Variants in ORMDL3 observed in about 807,000 individuals in gnomAD.
ORMDL3 encodes ORMDL sphingolipid biosynthesis regulator 3.
In ORMDL3, 6 loss-of-function variants were observed where a neutral mutation model predicts 12.6. The observed-to-expected ratio is 0.48, with a 90% CI of 0.26 to 0.94. The LOEUF (loss-of-function observed/expected upper bound fraction) is 0.94, where lower values mean the gene tolerates loss of function less well. Among genes scored for constraint, ORMDL3 ranks in the 40% least tolerant of loss-of-function variants. The pLI is 0.14. For synonymous variants in ORMDL3, 99 were observed against 87.2 expected, an observed-to-expected ratio of 1.14 and a Z score of -0.75; for missense variants, 159 against 205.5, an observed-to-expected ratio of 0.77 and a Z score of 1.38.
At position 39,922,387 on chromosome 17, in the gene ORMDL3, C is replaced by G; in HGVS notation, c.*163G>C. On this transcript the variant is annotated 3_prime_UTR_variant, in exon 4 of 4. Transcript: ENST00000304046. ...ACCCCAACCCCACTACAAGCTACTC[C>G]AAGTTGGCTACTGGGGGAAGCGAGG... 1.2e-6 allele frequency: 1 copy of G among 867,804 alleles called. No individual in the cohort carries two copies. Among genetic ancestry groups the G allele is most frequent in the South Asian group, 1.8e-5 (1 of 56,964 alleles). The allele number at this position is 867,804 out of a possible 1,614,324, so 53.8% of individuals were successfully genotyped here.
chr17:39,927,009 GC>G, intron 1 of ORMDL3: 1 of 985,418 alleles, frequency 1.0e-6, no homozygotes, highest in Non-Finnish European at 1.2e-6. Flanking sequence ...GAAAGCGAGT[GC>G]CCAGGCGAAC....
chr17:39,923,027 G>A (rs946525337), intron 3 of ORMDL3, 85 bp downstream of exon 3: 1 of 1,535,056 alleles, frequency 6.5e-7, no homozygotes, highest in Admixed American at 1.8e-5. Context: ...AGGAGCCACG[G>A]CAGGGTTAAT....
chr17:39,923,032 G>T lies in ORMDL3; in HGVS notation c.326+80C>A, dbSNP rs1352451756. 1.6e-5 allele frequency: 25 copies of T among 1,558,700 alleles called. No individual in the cohort carries two copies. In the Admixed American group the frequency reaches 1.9e-4, roughly 12 times the overall value. Reference sequence around the variant, plus strand: ...TCCCTACACCAGGAGCCACGGCAGGGTTAATAAGCATGGCTGGGCCCTGGG... The same window carrying T: ...TCCCTACACCAGGAGCCACGGCAGGTTTAATAAGCATGGCTGGGCCCTGGG... On this transcript the variant is annotated intron_variant, in intron 3 of 3. Transcript: ENST00000304046.
At position 39,927,551 on chromosome 17, in the gene ORMDL3, G is replaced by A. The variant is rs1978506700; in HGVS notation, c.-90C>T. 1.8e-5 allele frequency: 18 copies of A among 985,430 alleles called. No homozygotes were observed. The highest frequency in any genetic ancestry group is 2.0e-5 in the Non-Finnish European group (17 of 830,016). The allele number at this position is 985,430 out of a possible 1,614,324, so 61.0% of individuals were successfully genotyped here. On this transcript the variant is annotated 5_prime_UTR_variant, in exon 1 of 4. Transcript: ENST00000304046. ...AGCGGGGGCCGCTGCTGCTCCAGCA[G>A]CTGTAACAACCCGCGGCTGCAGCCT...
At chr17:39,923,005 C>G in intron 3 of ORMDL3, 107 bp downstream of exon 3, 1 of 1,426,116 alleles carries the variant, frequency 7.0e-7, no homozygotes, top group Non-Finnish European at 9.7e-7. Flanking sequence ...TTCCTCTGTT[C>G]ATCCCTACAC....
Position 39,922,598 on chromosome 17 carries a change from C to T in ORMDL3, c.414G>A (p.Lys138=), listed in dbSNP as rs759772896. ...TVSLMSVLIP[K]LPQLHGVRIF... The stretch of plus-strand genomic sequence containing the variant: ...TCCGGACTCCGTGGAGCTGGGGCAG[C>T]TTGGGGATAAGCACGCTCATCAGGG... The change falls in exon 4 of 4, where the codon AAG becomes AAA. Residue 138 remains lysine (K), a synonymous_variant. Transcript: ENST00000304046. The T allele has an allele frequency of 6.2e-7, 1 of 1,613,994 alleles. No homozygotes were observed. Among genetic ancestry groups the T allele is most frequent in the East Asian group, 2.2e-5 (1 of 44,836 alleles).
intron 1 of ORMDL3, 33 bp downstream of exon 1, chr17:39,927,451 G>T (rs1978496713): frequency 5.1e-6 from 5 of 985,278 alleles, no homozygotes; most frequent in Non-Finnish European, 6.0e-6. Flanking sequence ...CCCTCCCGTA[G>T]CCCTGGGGCC....
At chr17:39,923,994 G>A (rs1442740389) in intron 2 of ORMDL3, 36 bp downstream of exon 2, 1 of 1,554,108 alleles carries the variant, frequency 6.4e-7, no homozygotes, top group Admixed American at 1.8e-5. Flanking sequence ...ACAGGGCAGG[G>A]GCAGGGGCAG....
At position 39,922,311 on chromosome 17, in the gene ORMDL3, G is replaced by C; in HGVS notation, c.*239C>G. On this transcript the variant is annotated 3_prime_UTR_variant, in exon 4 of 4. Transcript: ENST00000304046. ...ACTCCATGGAGTCTCTATTCAAAAAGCAAAAGGAAAAGATCAAAAAATTCA... is the reference window on the plus strand; with the variant it reads ...ACTCCATGGAGTCTCTATTCAAAAACCAAAAGGAAAAGATCAAAAAATTCA... 2.4e-6 allele frequency: 1 copy of C among 425,428 alleles called. No individual in the cohort carries two copies. Among genetic ancestry groups the C allele is most frequent in the South Asian group, 3.9e-5 (1 of 25,780 alleles). The allele number at this position is 425,428 out of a possible 1,614,324, so 26.4% of individuals were successfully genotyped here.
chr17:39,927,103 G>A, intron 1 of ORMDL3: 1 of 760,998 alleles, frequency 1.3e-6, no homozygotes, highest in Non-Finnish European at 1.6e-6. Context: ...CTCGGGTGCG[G>A]GGCCGGGGGG....
chr17:39,922,404 G>T lies in ORMDL3; in HGVS notation c.*146C>A. 1.9e-6 allele frequency: 2 copies of T among 1,031,630 alleles called. No homozygotes were observed. Among genetic ancestry groups the T allele is most frequent in the Non-Finnish European group, 2.8e-6 (2 of 720,780 alleles). The allele number at this position is 1,031,630 out of a possible 1,614,324, so 63.9% of individuals were successfully genotyped here. Reference sequence around the variant, plus strand: ...AGCTACTCCAAGTTGGCTACTGGGGGAAGCGAGGGGGGAAATTAGGCCAGA... The same window carrying T: ...AGCTACTCCAAGTTGGCTACTGGGGTAAGCGAGGGGGGAAATTAGGCCAGA... On this transcript the variant is annotated 3_prime_UTR_variant, in exon 4 of 4. Transcript: ENST00000304046.
intron 1 of ORMDL3, chr17:39,925,648 G>A (rs575851716): frequency 2.0e-5 from 3 of 152,126 alleles, no homozygotes; most frequent in Non-Finnish European, 4.4e-5. Flanking sequence ...AGTCCTCAGG[G>A]GCCAGTTATT....
At position 39,922,564 on chromosome 17, in the gene ORMDL3, T is replaced by C. The variant is rs1978304045; in HGVS notation, c.448A>G (p.Ile150Val). 1 of 1,613,986 alleles carries C rather than the reference T, an allele frequency of 6.2e-7. No homozygotes were observed. The highest frequency in any genetic ancestry group is 1.1e-5 in the South Asian group (1 of 91,090). ...PQLHGVRIFGINKY is the reference protein window; with the variant it reads ...PQLHGVRIFGVNKY The stretch of plus-strand genomic sequence containing the variant: ...GGGCTGCACTCTCAGTACTTATTGA[T>C]TCCAAAAATCCGGACTCCGTGGAGC... The change falls in exon 4 of 4, where the codon ATC becomes GTC. Residue 150 changes from isoleucine to valine, a missense_variant. Physicochemically the swap from Ile to Val is conservative, Grantham distance 29. Coordinates refer to ENST00000304046, the MANE Select transcript of ORMDL3 (RefSeq NM_139280.4).
chr17:39,923,310 C>G (rs1190329351), intron 2 of ORMDL3, 47 bp from the exon 3 acceptor site: 1 of 1,595,930 alleles, frequency 6.3e-7, no homozygotes. Context: ...GAAAGGCCCC[C>G]CTGCCCAGCT....
chr17:39,924,292 CCG>C, intron 1 of ORMDL3, 67 bp from the exon 2 acceptor site: 1 of 1,453,368 alleles, frequency 6.9e-7, no homozygotes, highest in Non-Finnish European at 9.2e-7. Flanking sequence ...CCCTCGGATC[CCG>C]CTGGGAGGCA....
chr17:39,927,111 G>C (rs1174456086), intron 1 of ORMDL3: 1 of 687,338 alleles, frequency 1.5e-6, no homozygotes, highest in East Asian at 1.4e-4. Context: ...CGGGGCCGGG[G>C]GGAGGGGTCC....
intron 1 of ORMDL3, 62 bp from the exon 2 acceptor site, chr17:39,924,287 G>C (rs879276424): frequency 8.8e-6 from 13 of 1,469,638 alleles, no homozygotes; most frequent in Non-Finnish European, 1.1e-5. Flanking sequence ...TCTCACCCTC[G>C]GATCCCGCTG....
chr17:39,924,327 C>T, intron 1 of ORMDL3, 102 bp from the exon 2 acceptor site: 2 of 1,056,458 alleles, frequency 1.9e-6, no homozygotes, highest in East Asian at 2.6e-5. Flanking sequence ...CCTGAGAACT[C>T]CAGGCAGTTC....
At chr17:39,926,567 C>G (rs1422797455) in intron 1 of ORMDL3, 2 of 160,554 alleles carry the variant, frequency 1.2e-5, no homozygotes, top group Non-Finnish European at 2.6e-5. Flanking sequence ...CTGCTTAGTG[C>G]TGGGCCCTGA....
Sources: allele counts gnomAD v4.1 joint callset, GRCh38; gene constraint gnomAD v4.1.1; transcripts MANE v1.5; gene names NCBI Gene and HGNC (gene_info 2026-07-23, HGNC 2026-07-21).